PLCE1: variants seen among roughly 807,000 people sequenced by gnomAD.
PLCE1 encodes the protein phospholipase C epsilon 1.
PLCE1 carries 119 observed loss-of-function variants against 242.8 expected under a neutral mutation model. The ratio of observed to expected loss-of-function variants is 0.49; its 90% confidence interval spans 0.42 to 0.57. The LOEUF is 0.57. PLCE1 is among the 20% of genes least tolerant of loss of function. The pLI is 0.00. For missense variants in PLCE1, 2,441 were observed against 2,788.8 expected, an observed-to-expected ratio of 0.88 and a Z score of 2.81; for synonymous variants, 945 against 1,017.4, an observed-to-expected ratio of 0.93 and a Z score of 1.35.
intron 20 of PLCE1, 178 bp from the exon 21 acceptor site, chr10:94,283,612 C>A: frequency 1.7e-6 from 1 of 578,756 alleles, no homozygotes; most frequent in Non-Finnish European, 3.1e-6. Flanking sequence ...AAAATAACTG[C>A]ATCAACCCAA....
chr10:94,263,686 C>T (rs1313281790), intron 14 of PLCE1, among the ~76,000 whole-genome samples: 2 of 151,766 alleles, frequency 1.3e-5, no homozygotes, highest in African/African-American at 2.4e-5. Context: ...AGAGCGAAAC[C>T]CTGTCTCAAA....
At chr10:94,186,578 A>G (rs1366055527) in intron 4 of PLCE1, among the ~76,000 whole-genome samples, 3 of 152,260 alleles carry the variant, frequency 2.0e-5, no homozygotes, top group Admixed American at 1.3e-4. Context: ...GTTGGTAAAA[A>G]TGTCAAATCT....
chr10:94,184,125 T>A (rs1250916104), intron 4 of PLCE1, among the ~76,000 whole-genome samples: 1 of 152,230 alleles, frequency 6.6e-6, no homozygotes, highest in East Asian at 1.9e-4. Flanking sequence ...CCAGCCATCA[T>A]TGCACTTATC....
At chr10:94,184,759 A>C (rs2048417950) in intron 4 of PLCE1, among the ~76,000 whole-genome samples, 1 of 152,220 alleles carries the variant, frequency 6.6e-6, no homozygotes, top group Non-Finnish European at 1.5e-5. Flanking sequence ...TTGCCTCTGC[A>C]AAAGACCTTC....
chr10:94,106,217 A>G (rs963683735), intron 2 of PLCE1: 5 of 152,232 alleles, frequency 3.3e-5, no homozygotes, highest in Admixed American at 6.5e-5. Context: ...TTTAGATAAT[A>G]TGTATTCTTC....
At chr10:94,082,324 T>G (rs2044675892) in intron 2 of PLCE1, 1 of 152,176 alleles carries the variant, frequency 6.6e-6, no homozygotes, top group Non-Finnish European at 1.5e-5. Flanking sequence ...CACATAATCC[T>G]AAGCTTCCTA....
At chr10:94,256,323 C>CAAAAAAAA (rs1316929334) in intron 11 of PLCE1, among the ~76,000 whole-genome samples, 3 of 55,850 alleles carry the variant, frequency 5.4e-5, no homozygotes, top group Admixed American at 2.0e-4. Context: ...GAGCTTGTCT[C>CAAAAAAAA]AAAAAAAAAA....
Position 94,031,931 on chromosome 10 carries a change from C to T in PLCE1, c.885C>T (p.Thr295=). The T allele has an allele frequency of 6.2e-7, 1 of 1,613,866 alleles. No individual in the cohort carries two copies. Among genetic ancestry groups the T allele is most frequent in the Non-Finnish European group, 8.5e-7 (1 of 1,179,834 alleles). Residue 295 remains threonine, a synonymous_variant, in exon 2 of 33, where the codon ACC becomes ACT. Coordinates refer to ENST00000371380, the MANE Select transcript of PLCE1 (RefSeq NM_016341.4). ...TTACTGACAGTCAAGCTGCCAAGAC[C>T]TTTTTGAGCCATTTTGAGGACTTCC... ...KDFTDSQAAK[T]FLSHFEDFPD...
intron 4 of PLCE1, among the ~76,000 whole-genome samples, chr10:94,198,897 C>G (rs2048907605): frequency 6.6e-6 from 1 of 152,080 alleles, no homozygotes; most frequent in South Asian, 2.1e-4. Flanking sequence ...ACAAAAAACA[C>G]AAAAATTATC....
chr10:94,007,068 G>T (rs2061053376), intron 1 of PLCE1, among the ~76,000 whole-genome samples: 1 of 152,148 alleles, frequency 6.6e-6, no homozygotes, highest in Non-Finnish European at 1.5e-5. Context: ...TGATAAAGAG[G>T]ACTATGGATG....
Position 94,304,483 on chromosome 10 carries a change from T to A in PLCE1, c.5460T>A (p.Asp1820Glu). ...CTTTCTTTGTTGTTTGTTTTACAGA[T>A]CTCCCTTTACATTTAAATGCTGCAA... ...QLVALNYQTDDLPLHLNAAMF... is the reference protein window; with the variant it reads ...QLVALNYQTDELPLHLNAAMF... Residue 1820 changes from aspartate (D) to glutamate (E), a missense_variant and splice_region_variant, in exon 25 of 33, where the codon GAT (aspartate) becomes GAA (glutamate). This residue lies in a region of PLCE1 where 1,004 missense variants were observed against 1,322.7 expected (regional missense o/e 0.76). Transcript: ENST00000371380. 5 of 1,613,864 alleles carry A rather than the reference T, an allele frequency of 3.1e-6. No homozygotes were observed. Among genetic ancestry groups the A allele is most frequent in the Non-Finnish European group, 4.2e-6 (5 of 1,179,752 alleles).
intron 13 of PLCE1, 133 bp downstream of exon 13, chr10:94,259,283 G>A (rs376007258): frequency 4.5e-5 from 40 of 892,958 alleles, no homozygotes; most frequent in East Asian, 2.3e-4. Context: ...AGACTTAAGA[G>A]AATTTTTTTT....
intron 4 of PLCE1, among the ~76,000 whole-genome samples, chr10:94,223,829 T>C (rs1290384094): frequency 6.6e-6 from 1 of 152,142 alleles, no homozygotes; most frequent in Non-Finnish European, 1.5e-5. Context: ...TACTTTATAT[T>C]TATATGATTT....
chr10:94,171,151 T>G, intron 3 of PLCE1, 29 bp from the exon 4 acceptor site: 1 of 1,598,608 alleles, frequency 6.3e-7, no homozygotes, highest in Non-Finnish European at 8.6e-7. Context: ...AGATTTGATG[T>G]AACCACGACT....
chr10:94,199,071 T>A (rs2048913498), intron 4 of PLCE1, among the ~76,000 whole-genome samples: 1 of 152,018 alleles, frequency 6.6e-6, no homozygotes, highest in Admixed American at 6.6e-5. Flanking sequence ...AAAAAAGAAA[T>A]CCCTCAGTGT....
intron 2 of PLCE1, chr10:94,089,258 TG>T: frequency 6.2e-7 from 1 of 1,614,054 alleles, no homozygotes; most frequent in Non-Finnish European, 8.5e-7. Flanking sequence ...GGCTGTCAGC[TG>T]TGGCTTTGCA....
At chr10:94,124,776 G>C (rs1302485264) in intron 2 of PLCE1, among the ~76,000 whole-genome samples, 1 of 152,176 alleles carries the variant, frequency 6.6e-6, no homozygotes, top group African/African-American at 2.4e-5. Flanking sequence ...TGAAAAATTA[G>C]TAGAGAGAAT....
chr10:94,140,245 A>G (rs908853163), intron 3 of PLCE1, among the ~76,000 whole-genome samples: 26 of 152,098 alleles, frequency 1.7e-4, no homozygotes, highest in African/African-American at 6.3e-4. Context: ...TTTTGTTTGA[A>G]AAGAGGGAAT....
intron 1 of PLCE1, among the ~76,000 whole-genome samples, chr10:94,025,505 T>G (rs1925245): frequency 0.94 from 142,450 of 152,196 alleles, 66,729 homozygotes; most frequent in South Asian, 0.98. Context: ...ACCCTTGGTA[T>G]ACAGTCATCC....
Sources: allele counts gnomAD v4.1 joint callset (sites outside exome capture counted in the v4.1 genomes callset), GRCh38; gene constraint gnomAD v4.1.1; regional missense constraint gnomAD v4.1.1; transcripts MANE v1.5; gene names NCBI Gene and HGNC (gene_info 2026-07-23, HGNC 2026-07-21).